MYOM1: variants seen among roughly 807,000 people sequenced by gnomAD.
MYOM1 encodes myomesin-1.
Under a neutral mutation model 205.3 loss-of-function variants are expected in MYOM1, and 164 were observed. That is an observed-to-expected ratio of 0.80 (90% confidence interval 0.70 to 0.91). MYOM1 has a LOEUF of 0.91. Ranked by LOEUF, MYOM1 falls within the 40% of genes least tolerant of loss-of-function variation. The pLI is 0.00. For synonymous variants in MYOM1, 772 were observed against 789.4 expected, an observed-to-expected ratio of 0.98 and a Z score of 0.37; for missense variants, 2,011 against 2,127.3, an observed-to-expected ratio of 0.95 and a Z score of 1.08.
intron 28 of MYOM1, 148 bp from the exon 29 acceptor site, chr18:3,089,389 T>G (rs1032738510): frequency 1.3e-6 from 1 of 795,048 alleles, no homozygotes; most frequent in East Asian, 2.8e-5. Context: ...GTCTACATAT[T>G]TAACAGTAAA....
chr18:3,122,277 G>A (rs2079706510), intron 19 of MYOM1, among the ~76,000 whole-genome samples: 1 of 151,352 alleles, frequency 6.6e-6, no homozygotes, highest in East Asian at 1.9e-4. Flanking sequence ...ATTTTTAAGA[G>A]ACACATGTAA....
At position 3,179,969 on chromosome 18, in the gene MYOM1, G is replaced by A. The variant is rs976728975; in HGVS notation, c.930-3835C>T. ...CACTCAATTCGGCTTCGGATCAAAA[G>A]TATTGCTCATATCTCTATAAAATTT... On this transcript the variant is annotated intron_variant, in intron 5 of 37. Coordinates refer to ENST00000356443, the MANE Select transcript of MYOM1 (RefSeq NM_003803.4). This position sits in a 1 kb window ranked among gnomAD's most constrained non-coding sequence, Gnocchi z 4.4. Among the ~76,000 whole-genome samples the A allele has an allele frequency of 6.6e-6, 1 of 152,056 alleles. No individual in the cohort carries two copies. The highest frequency in any genetic ancestry group is 1.9e-4 in the East Asian group (1 of 5,194).
At chr18:3,095,546 C>T (rs1335376168) in intron 25 of MYOM1, among the ~76,000 whole-genome samples, 1 of 152,096 alleles carries the variant, frequency 6.6e-6, no homozygotes, top group Admixed American at 6.6e-5. Flanking sequence ...CCAGCCTGGG[C>T]AACAAAGTGA....
chr18:3,120,020 T>A (rs374497445), intron 19 of MYOM1, 25 bp from the exon 20 acceptor site: 1 of 1,550,846 alleles, frequency 6.4e-7, no homozygotes, highest in East Asian at 2.3e-5. Context: ...ACATCACAGA[T>A]ACTGAATGTT....
At chr18:3,214,276 C>G (rs962799890) in intron 2 of MYOM1, among the ~76,000 whole-genome samples, 1 of 152,130 alleles carries the variant, frequency 6.6e-6, no homozygotes, top group Non-Finnish European at 1.5e-5. Flanking sequence ...ACATTCTGAG[C>G]GCAAGGAAAC....
rs1371096314 is a variant in MYOM1 at position 3,116,440 on chromosome 18, G to A, written c.3194C>T (p.Ser1065Phe). The A allele has an allele frequency of 6.2e-7, 1 of 1,613,570 alleles. No homozygotes were observed. The highest frequency in any genetic ancestry group is 1.7e-5 in the Admixed American group (1 of 59,982). Reference protein sequence around the residue: ...LVLQWKPPVHSGRTPVTGYFV... With the variant: ...LVLQWKPPVHFGRTPVTGYFV... ...GTAACCAGTGACCGGAGTCCGCCCG[G>A]AGTGGACTGGCGGCTTCCACTGGAG... Residue 1065 changes from serine to phenylalanine, a missense_variant, in exon 21 of 38, where the codon TCC becomes TTC. Transcript: ENST00000356443.
chr18:3,155,324 C>A (rs549784916), intron 10 of MYOM1, among the ~76,000 whole-genome samples: 1 of 152,268 alleles, frequency 6.6e-6, no homozygotes, highest in African/African-American at 2.4e-5. Context: ...CGGGTTCACG[C>A]CATTCTCCTG....
At chr18:3,227,262 A>G in the MYOM1 span, among the ~76,000 whole-genome samples, 1 of 152,142 alleles carries the variant, frequency 6.6e-6, no homozygotes, top group Admixed American at 6.5e-5. Flanking sequence ...AGGTATATAC[A>G]TACAATGGAA....
At chr18:3,208,387 G>A (rs572953178) in intron 2 of MYOM1, among the ~76,000 whole-genome samples, 8 of 152,282 alleles carry the variant, frequency 5.3e-5, no homozygotes, top group South Asian at 4.1e-4. Flanking sequence ...AGTGGCACGC[G>A]CCTATAGTTC....
chr18:3,188,223 A>G (rs1042787296), intron 4 of MYOM1, among the ~76,000 whole-genome samples: 3 of 152,136 alleles, frequency 2.0e-5, no homozygotes, highest in African/African-American at 7.2e-5. Flanking sequence ...ATGGAGTTTA[A>G]AACTATTGTT....
chr18:3,127,726 G>C (rs1414255529), intron 18 of MYOM1, among the ~76,000 whole-genome samples: 2 of 152,106 alleles, frequency 1.3e-5, no homozygotes, highest in Non-Finnish European at 2.9e-5. Context: ...TTACTCTAGA[G>C]CTCAGCTAAA....
chr18:3,078,561 T>G (rs1329042690), intron 34 of MYOM1, among the ~76,000 whole-genome samples: 3 of 151,980 alleles, frequency 2.0e-5, no homozygotes, highest in African/African-American at 7.2e-5. Context: ...TCCTGAGTAG[T>G]AGGGATTATA....
In MYOM1 at chr18:3,071,892, G is replaced by A. The variant is rs1285316666; in HGVS notation, c.4709-3C>T. On this transcript the variant is annotated splice_polypyrimidine_tract_variant and splice_region_variant and intron_variant, in intron 36 of 37. Transcript: ENST00000356443. The stretch of plus-strand genomic sequence containing the variant: ...ACCTCCCAACACCCGGGCACGATCT[G>A]CAAGCATAGGCATTTTGGGTTAATC... 4 of 1,602,416 alleles carry A rather than the reference G, an allele frequency of 2.5e-6. No individual in the cohort carries two copies. Among genetic ancestry groups the A allele is most frequent in the Non-Finnish European group, 3.4e-6 (4 of 1,174,342 alleles).
At chr18:3,218,729 CAAAT>C (rs915378161) in intron 1 of MYOM1, among the ~76,000 whole-genome samples, 9 of 152,088 alleles carry the variant, frequency 5.9e-5, no homozygotes, top group Non-Finnish European at 1.2e-4. Flanking sequence ...AATGATTTTT[CAAAT>C]AAATAATAAA....
chr18:3,215,006 G>A lies in MYOM1; in HGVS notation c.218C>T (p.Ala73Val), dbSNP rs545000193. 2.5e-6 allele frequency: 4 copies of A among 1,612,058 alleles called. No individual in the cohort carries two copies. The highest frequency in any genetic ancestry group is 1.1e-5 in the South Asian group (1 of 90,932). ...TTCAGAGCTCAGGGCGTGCTGCGAG[G>A]CCTGCTGCTGGGAGGAGGAGGCGGA... Reference protein sequence around the residue: ...RASASSSQQQASQHALSSEVS... With the variant: ...RASASSSQQQVSQHALSSEVS... The change falls in exon 2 of 38, where the codon GCC becomes GTC. Residue 73 changes from alanine (A) to valine (V), a missense_variant. Physicochemically the swap from Ala to Val is moderately conservative, Grantham distance 64 (BLOSUM62 0). Coordinates refer to ENST00000356443, the MANE Select transcript of MYOM1 (RefSeq NM_003803.4).
chr18:3,102,348 A>T, intron 23 of MYOM1, 126 bp downstream of exon 23: 2 of 998,438 alleles, frequency 2.0e-6, no homozygotes, highest in Non-Finnish European at 2.9e-6. Flanking sequence ...TATTTTCTAC[A>T]ATACCAGATA....
intron 37 of MYOM1, among the ~76,000 whole-genome samples, chr18:3,071,562 T>C (rs1284304992): frequency 2.0e-5 from 3 of 152,152 alleles, no homozygotes; most frequent in Non-Finnish European, 4.4e-5. Context: ...TTTCACCATG[T>C]TGGCCAGGCT....
chr18:3,082,681 C>T (rs1055222636), intron 33 of MYOM1, among the ~76,000 whole-genome samples: 2 of 152,148 alleles, frequency 1.3e-5, no homozygotes, highest in Non-Finnish European at 2.9e-5. Context: ...CGTTCTCTTT[C>T]AGCTCAGGAT....
chr18:3,129,611 C>T (rs1322539645), intron 17 of MYOM1, 92 bp from the exon 18 acceptor site: 3 of 1,355,224 alleles, frequency 2.2e-6, no homozygotes, highest in Non-Finnish European at 3.0e-6. Context: ...AACATTAGGA[C>T]CACAAGCAGA....
Sources: gnomAD v4.1 joint callset for allele counts (sites outside exome capture counted in the v4.1 genomes callset) on GRCh38, gnomAD v4.1.1 for gene constraint, Gnocchi (gnomAD v3.1) non-coding constraint, MANE v1.5 for transcripts, NCBI Gene and HGNC (gene_info 2026-07-23, HGNC 2026-07-21) for gene names.